WASF3: variants seen among roughly 807,000 people sequenced by gnomAD.
WASF3 encodes actin-binding protein WASF3.
A neutral mutation model predicts 46.6 loss-of-function variants in WASF3; 11 were observed. That is an observed-to-expected ratio of 0.24 (90% confidence interval 0.15 to 0.39). The LOEUF is 0.39. Among genes scored for constraint, WASF3 ranks in the 10% least tolerant of loss-of-function variants. The probability of loss-of-function intolerance (pLI) is 1.00; values close to 1 mark genes in which losing one functional copy is unlikely to be tolerated. For missense variants in WASF3, 576 were observed against 669.8 expected, an observed-to-expected ratio of 0.86 and a Z score of 1.55; for synonymous variants, 242 against 259.7, an observed-to-expected ratio of 0.93 and a Z score of 0.65.
intron 2 of WASF3, among the ~76,000 whole-genome samples, chr13:26,614,313 C>G (rs1159527267): frequency 6.6e-6 from 1 of 152,112 alleles, no homozygotes; most frequent in Non-Finnish European, 1.5e-5. Context: ...AGGAATGTAT[C>G]TGTGTTCTCT....
chr13:26,672,419 A>G (rs1345923161), intron 6 of WASF3, among the ~76,000 whole-genome samples: 5 of 152,210 alleles, frequency 3.3e-5, no homozygotes, highest in Non-Finnish European at 5.9e-5. Flanking sequence ...ATTGAGAAGC[A>G]TATGTGATTT....
At chr13:26,574,749 T>TA (rs1233326375) in intron 1 of WASF3, among the ~76,000 whole-genome samples, 1 of 152,206 alleles carries the variant, frequency 6.6e-6, no homozygotes, top group Non-Finnish European at 1.5e-5. Context: ...TTTCTTAATT[T>TA]AAAAAATTCT....
intron 3 of WASF3, 118 bp downstream of exon 3, chr13:26,642,521 C>T (rs1231593724): frequency 1.6e-6 from 2 of 1,253,338 alleles, no homozygotes; most frequent in African/African-American, 3.1e-5. Flanking sequence ...ATCCTTTCTC[C>T]TTCTGTATTT....
At chr13:26,683,015 G>A in intron 9 of WASF3, 41 bp downstream of exon 9, 1 of 1,571,800 alleles carries the variant, frequency 6.4e-7, no homozygotes, top group Non-Finnish European at 8.6e-7. Context: ...CTTTCAGCAA[G>A]AGGTTTCTTC....
At chr13:26,557,633 C>G (rs1002989510), upstream of WASF3, 5 of 157,592 alleles carry the variant, frequency 3.2e-5, no homozygotes, top group Non-Finnish European at 6.9e-5. Context: ...ACTGAGCCCC[C>G]CTCCTGCTCC....
chr13:26,554,463 A>T (rs1266765897), upstream of WASF3, among the ~76,000 whole-genome samples: 3 of 152,176 alleles, frequency 2.0e-5, no homozygotes, highest in African/African-American at 4.8e-5. Flanking sequence ...ATGATAAAGA[A>T]CTTTTAAAAA....
intron 1 of WASF3, among the ~76,000 whole-genome samples, chr13:26,560,058 A>C (rs1004097949): frequency 6.6e-6 from 1 of 151,574 alleles, no homozygotes; most frequent in Non-Finnish European, 1.5e-5. Context: ...CCTCAGGTTG[A>C]TCCGCCCACC....
chr13:26,665,391 A>T (rs569352256), intron 4 of WASF3, among the ~76,000 whole-genome samples: 1 of 152,292 alleles, frequency 6.6e-6, no homozygotes, highest in South Asian at 2.1e-4. Flanking sequence ...AAAAATTACA[A>T]ATATAGTATT....
chr13:26,603,004 G>A (rs1477342965), intron 1 of WASF3, among the ~76,000 whole-genome samples: 1 of 152,160 alleles, frequency 6.6e-6, no homozygotes, highest in Non-Finnish European at 1.5e-5. Flanking sequence ...TTTTAGCCCA[G>A]GATATTTGTC....
chr13:26,544,402 A>T, the WASF3 span, among the ~76,000 whole-genome samples: 1 of 152,192 alleles, frequency 6.6e-6, no homozygotes, highest in Non-Finnish European at 1.5e-5. Context: ...TGGGCCAGCA[A>T]ATGTGCTTCT....
rs78839134 is a variant in WASF3 at position 26,661,355 on chromosome 13, G to A, written c.134-3673G>A. On this transcript the variant is annotated intron_variant, in intron 3 of 9. Coordinates refer to ENST00000335327, the MANE Select transcript of WASF3 (RefSeq NM_006646.6). ...GGACTACTTTACATGCCTCATATAAGTGGAATCGTACAGTATTTGTCTTTT... is the reference window on the plus strand; with the variant it reads ...GGACTACTTTACATGCCTCATATAAATGGAATCGTACAGTATTTGTCTTTT... 7.4e-3 allele frequency among the ~76,000 whole-genome samples: 1,132 copies of A among 152,302 alleles called. 19 individuals carry two copies. The highest frequency in any genetic ancestry group is 0.025 in the African/African-American group (1,043 of 41,562).
intron 3 of WASF3, among the ~76,000 whole-genome samples, chr13:26,664,732 G>T (rs553291043): frequency 1.8e-4 from 27 of 152,378 alleles, no homozygotes; most frequent in African/African-American, 6.0e-4. Flanking sequence ...CGTGAAAAAT[G>T]AGAACTTAAG....
At chr13:26,685,549 C>T (rs1883376010) in intron 9 of WASF3, 139 bp from the exon 10 acceptor site, 2 of 1,010,752 alleles carry the variant, frequency 2.0e-6, no homozygotes, top group Admixed American at 5.7e-5. Flanking sequence ...ATTCCCTGAG[C>T]TTTTCTCCCC....
the WASF3 span, among the ~76,000 whole-genome samples, chr13:26,539,531 T>C: frequency 6.6e-6 from 1 of 152,050 alleles, no homozygotes; most frequent in South Asian, 2.1e-4. Context: ...AAAAAATATG[T>C]CCCTCAGATC....
At chr13:26,672,699 A>G (rs1346021091) in intron 6 of WASF3, among the ~76,000 whole-genome samples, 2 of 152,218 alleles carry the variant, frequency 1.3e-5, no homozygotes, top group Non-Finnish European at 2.9e-5. Flanking sequence ...TTTAAAAATG[A>G]CCATCCAGTT....
At chr13:26,572,273 T>G (rs1459009904) in intron 1 of WASF3, among the ~76,000 whole-genome samples, 1 of 152,234 alleles carries the variant, frequency 6.6e-6, no homozygotes, top group African/African-American at 2.4e-5. Context: ...CTGACCTTAA[T>G]GAGAATGTGT....
chr13:26,638,965 G>A (rs1252620210), intron 2 of WASF3, among the ~76,000 whole-genome samples: 1 of 152,186 alleles, frequency 6.6e-6, no homozygotes, highest in East Asian at 1.9e-4. Context: ...CTCACCATGT[G>A]ATCTCTTTGC....
At chr13:26,621,311 A>C (rs926365518) in intron 2 of WASF3, among the ~76,000 whole-genome samples, 3 of 152,218 alleles carry the variant, frequency 2.0e-5, no homozygotes, top group African/African-American at 7.2e-5. Flanking sequence ...CTAAAGCATC[A>C]TGAAAACACA....
chr13:26,680,627 T>G (rs1883198164), intron 7 of WASF3, among the ~76,000 whole-genome samples: 1 of 152,260 alleles, frequency 6.6e-6, no homozygotes, highest in African/African-American at 2.4e-5. Context: ...CTGTTAATAT[T>G]TATCCAGTTA....
Sources: gnomAD v4.1 joint callset for allele counts (sites outside exome capture counted in the v4.1 genomes callset) on GRCh38, gnomAD v4.1.1 for gene constraint, MANE v1.5 for transcripts, NCBI Gene and HGNC (gene_info 2026-07-23, HGNC 2026-07-21) for gene names.